The following CHM variants were observed in gnomAD, a reference collection of about 807,000 sequenced individuals.
CHM encodes the protein CHM Rab escort protein.
Under a neutral mutation model 49.0 loss-of-function variants are expected in CHM, and 10 were observed. The ratio of observed to expected loss-of-function variants is 0.20; its 90% CI spans 0.13 to 0.35. The LOEUF (loss-of-function observed/expected upper bound fraction) is 0.35. Among genes scored for constraint, CHM ranks in the 10% least tolerant of loss-of-function variants. The pLI, the probability that CHM is intolerant of heterozygous loss-of-function variation, is 1.00. For synonymous variants in CHM, 184 were observed against 167.5 expected (o/e 1.10, Z -0.76); for missense variants, 455 against 478.4 (o/e 0.95, Z 0.46).
chrX:86,002,939 G>T (rs1296541116), intron 2 of CHM, among the ~76,000 whole-genome samples: 1 of 112,224 alleles, frequency 8.9e-6, no homozygotes, highest in Non-Finnish European at 1.9e-5. Flanking sequence ...TCCTTAAGTG[G>T]GTCCCTGACC....
rs1027171328 is a variant in CHM, at chrX:85,873,175, A to G, written c.1647T>C (p.Ala549=). The part of the protein sequence containing the change: ...EQVEKPRILW[A]LYFNMRDSSD... Reference sequence around the variant, plus strand: ...ACGAATCTCTCATATTGAAGTAAAGAGCCCACAGAATTCTTGGCTTTTCTA... The same window carrying G: ...ACGAATCTCTCATATTGAAGTAAAGGGCCCACAGAATTCTTGGCTTTTCTA... The change falls in exon 14 of 15, where the codon GCT becomes GCC. Residue 549 remains alanine, a synonymous_variant. Coordinates refer to ENST00000357749, the MANE Select transcript of CHM (RefSeq NM_000390.4). 1.7e-6 allele frequency: 2 copies of G among 1,201,664 alleles called. No homozygotes were observed. The highest frequency in any genetic ancestry group is 4.6e-4 in the Middle Eastern group (2 of 4,323).
chrX:85,874,069 C>T (rs1371662399), intron 13 of CHM, among the ~76,000 whole-genome samples: 1 of 110,996 alleles, frequency 9.0e-6, no homozygotes, highest in Non-Finnish European at 1.9e-5. Flanking sequence ...TTTTGGTTCC[C>T]TAATATAGGG....
At chrX:86,013,269 C>T (rs187430228) in intron 2 of CHM, among the ~76,000 whole-genome samples, 5 of 111,331 alleles carry the variant, frequency 4.5e-5, no homozygotes, top group Admixed American at 9.6e-5. Flanking sequence ...CCACCAAACT[C>T]GAGTACAATC....
At chrX:86,006,422 G>A (rs375453079) in intron 2 of CHM, among the ~76,000 whole-genome samples, 4 of 111,700 alleles carry the variant, frequency 3.6e-5, no homozygotes, top group East Asian at 2.8e-4. Context: ...GGGCAATCAG[G>A]TAAGTGAAAG....
chrX:85,866,227 C>T (rs1408429343), intron 14 of CHM, among the ~76,000 whole-genome samples: 1 of 112,165 alleles, frequency 8.9e-6, no homozygotes, highest in East Asian at 2.8e-4. Flanking sequence ...GAACATGGTA[C>T]CCTACATCCC....
intron 2 of CHM, 30 bp downstream of exon 2, chrX:86,027,461 A>T: frequency 8.7e-7 from 1 of 1,145,457 alleles, no homozygotes; most frequent in Non-Finnish European, 1.2e-6. Context: ...ATATTTAGGA[A>T]ATATTAAATG....
At chrX:85,982,317 T>C (rs1161348073) in intron 2 of CHM, among the ~76,000 whole-genome samples, 4 of 105,564 alleles carry the variant, frequency 3.8e-5, no homozygotes, top group Non-Finnish European at 5.9e-5. Context: ...AGACACACAA[T>C]TGGCTACTCT....
intron 1 of CHM, among the ~76,000 whole-genome samples, chrX:86,041,736 A>ATG (rs1193388860): frequency 4.3e-5 from 4 of 92,726 alleles, no homozygotes; most frequent in South Asian, 5.1e-4. Context: ...GTATATATAT[A>ATG]TATATATATA....
At position 85,907,413 on chromosome X, in the gene CHM, G is replaced by A. The variant is rs116727600; in HGVS notation, c.1244+3848C>T. 6.7e-3 allele frequency among the ~76,000 whole-genome samples: 752 copies of A among 111,805 alleles called. 4 individuals are homozygous for A. Among genetic ancestry groups the A allele is most frequent in the African/African-American group, 0.023 (697 of 30,767 alleles). Reference sequence around the variant, plus strand: ...GATCTAATTTACCGGAGTTTTACCTGGTCAGCATAGCTGCAAAGGAAAAGA... The same window carrying A: ...GATCTAATTTACCGGAGTTTTACCTAGTCAGCATAGCTGCAAAGGAAAAGA... On this transcript the variant is annotated intron_variant, in intron 9 of 14. Transcript: ENST00000357749.
At chrX:85,918,418 AAAAG>A (rs1275089001) in intron 8 of CHM, among the ~76,000 whole-genome samples, 2 of 112,086 alleles carry the variant, frequency 1.8e-5, no homozygotes, top group African/African-American at 6.5e-5. Flanking sequence ...CTAAATATGG[AAAAG>A]AAAGATACTT....
At chrX:85,993,292 T>C (rs1932288602) in intron 2 of CHM, among the ~76,000 whole-genome samples, 1 of 111,008 alleles carries the variant, frequency 9.0e-6, no homozygotes, top group Non-Finnish European at 1.9e-5. Flanking sequence ...TCTCAATAAA[T>C]GGCAACACCA....
intron 2 of CHM, among the ~76,000 whole-genome samples, chrX:86,013,212 TCAGTGTATC>T: frequency 9.0e-6 from 1 of 110,978 alleles, no homozygotes; most frequent in Non-Finnish European, 1.9e-5. Flanking sequence ...CTTCTAATTG[TCAGTGTATC>T]CTCATTCTTC....
chrX:85,961,755 A>G (rs1327091174), intron 5 of CHM, among the ~76,000 whole-genome samples: 4 of 111,530 alleles, frequency 3.6e-5, no homozygotes, highest in African/African-American at 1.3e-4. Flanking sequence ...ACTCTGCAGG[A>G]CGCAGTCCCA....
intron 8 of CHM, among the ~76,000 whole-genome samples, chrX:85,938,914 C>T (rs1928946432): frequency 9.0e-6 from 1 of 111,199 alleles, no homozygotes; most frequent in Non-Finnish European, 1.9e-5. Context: ...TAACCATGCG[C>T]CACATAACAA....
chrX:85,945,023 C>T lies in CHM; in HGVS notation c.1166+11130G>A, dbSNP rs959884358. 3.6e-5 allele frequency among the ~76,000 whole-genome samples: 4 copies of T among 111,149 alleles called. 1 individual carries two copies. Among genetic ancestry groups the T allele is most frequent in the Middle Eastern group, 8.4e-3 (2 of 239 alleles). ...GAGGACATTATCCTTAGCAAACTAA[C>T]GCAGGAAGAGAAAACCAAATGCCAC... On this transcript the variant is annotated intron_variant, in intron 8 of 14. Transcript: ENST00000357749.
rs1335615431 is a variant in CHM, at chrX:85,873,115, T to C, written c.1707A>G (p.Pro569=). The C allele has an allele frequency of 3.3e-6, 4 of 1,204,919 alleles. No homozygotes were observed. The highest frequency in any genetic ancestry group is 4.4e-5 in the Admixed American group (2 of 45,663). The part of the protein sequence containing the change: ...DISRSCYNDL[P]SNVYVCSGPD... ...GGCCAGAGCAGACATAAACGTTGGATGGTAAATCATTATAACAGCTCCTGC... is the reference window on the plus strand; with the variant it reads ...GGCCAGAGCAGACATAAACGTTGGACGGTAAATCATTATAACAGCTCCTGC... The change falls in exon 14 of 15, where the codon CCA becomes CCG. Residue 569 remains proline, a synonymous_variant. Transcript: ENST00000357749.
intron 8 of CHM, among the ~76,000 whole-genome samples, chrX:85,930,176 A>G: frequency 8.9e-6 from 1 of 112,326 alleles, no homozygotes; most frequent in Non-Finnish European, 1.9e-5. Context: ...AACATGCCTT[A>G]AAGTGTGTCT....
chrX:85,949,785 C>T (rs1929629680), intron 8 of CHM, among the ~76,000 whole-genome samples: 2 of 106,439 alleles, frequency 1.9e-5, no homozygotes, highest in Admixed American at 2.0e-4. Flanking sequence ...TACCTACTTC[C>T]AGTAGTAAAC....
intron 1 of CHM, among the ~76,000 whole-genome samples, chrX:86,028,262 T>C (rs2147792252): frequency 9.0e-6 from 1 of 111,683 alleles, no homozygotes; most frequent in East Asian, 2.8e-4. Flanking sequence ...CATATGCATT[T>C]TAGAGAAGAA....
Sources: allele counts gnomAD v4.1 joint callset (sites outside exome capture counted in the v4.1 genomes callset), GRCh38; gene constraint gnomAD v4.1.1; transcripts MANE v1.5; gene names NCBI Gene and HGNC (gene_info 2026-07-23, HGNC 2026-07-21).